ARHGAP18: variants seen among roughly 807,000 people sequenced by gnomAD.
The protein encoded by ARHGAP18 is rho GTPase-activating protein 18.
In ARHGAP18, 67 loss-of-function variants were observed where a neutral mutation model predicts 86.2. That is an observed-to-expected ratio of 0.78 (90% confidence interval 0.64 to 0.95). ARHGAP18 has a LOEUF of 0.95. Ranked by LOEUF, ARHGAP18 falls within the 40% of genes least tolerant of loss-of-function variation. The pLI is 0.00. For synonymous variants in ARHGAP18, 283 were observed against 280.4 expected (o/e 1.01, Z -0.09); for missense variants, 691 against 780.4 (o/e 0.89, Z 1.37).
intron 12 of ARHGAP18, among the ~76,000 whole-genome samples, chr6:129,596,206 T>C (rs1463573446): frequency 6.6e-6 from 1 of 152,178 alleles, no homozygotes; most frequent in Non-Finnish European, 1.5e-5. Flanking sequence ...CAAGGCCCTA[T>C]GCAATCTTGC....
intron 1 of ARHGAP18, among the ~76,000 whole-genome samples, chr6:129,666,676 C>A (rs1415709282): frequency 6.6e-6 from 1 of 152,202 alleles, no homozygotes; most frequent in Non-Finnish European, 1.5e-5. Context: ...TGCAAAGTAT[C>A]CTATTATAAA....
chr6:129,596,847 A>G (rs942713529), intron 12 of ARHGAP18: 1 of 152,210 alleles, frequency 6.6e-6, no homozygotes, highest in African/African-American at 2.4e-5. Context: ...AAATCCAGGG[A>G]ATTGCTACCC....
At chr6:129,707,743 T>A (rs1262309833) in intron 1 of ARHGAP18, among the ~76,000 whole-genome samples, 2 of 150,198 alleles carry the variant, frequency 1.3e-5, no homozygotes, top group Non-Finnish European at 3.0e-5. Context: ...GCTCAAGCAA[T>A]CCACCCACCT....
At chr6:129,676,668 C>T (rs944769825) in intron 1 of ARHGAP18, among the ~76,000 whole-genome samples, 1 of 152,138 alleles carries the variant, frequency 6.6e-6, no homozygotes, top group African/African-American at 2.4e-5. Flanking sequence ...TGAGCAAGCA[C>T]TCACTGCATA....
At chr6:129,604,612 C>T (rs1788815762) in intron 10 of ARHGAP18, among the ~76,000 whole-genome samples, 1 of 150,384 alleles carries the variant, frequency 6.6e-6, no homozygotes, top group South Asian at 2.1e-4. Context: ...GGCCATATGT[C>T]CCTGTCTCAG....
intron 5 of ARHGAP18, 94 bp downstream of exon 5, chr6:129,629,259 A>G (rs1027468032): frequency 2.3e-5 from 23 of 1,018,728 alleles, no homozygotes; most frequent in East Asian, 1.1e-4. Flanking sequence ...ATATATATAT[A>G]TATGTGTGTG....
Position 129,704,270 on chromosome 6 carries a change from C to A in ARHGAP18, c.113+5754G>T, listed in dbSNP as rs1774767836. Among the ~76,000 whole-genome samples, 3 of 151,980 alleles carry A rather than the reference C, an allele frequency of 2.0e-5. No individual in the cohort carries two copies. The South Asian group carries it at 6.2e-4, about 32-fold the overall frequency. On this transcript the variant is annotated intron_variant, in intron 1 of 14. Coordinates refer to ENST00000368149, the MANE Select transcript of ARHGAP18 (RefSeq NM_033515.3). ...GACCAGCCTGGCCAACATGGTGAAACCCCATCTTCACTAAATATACAAAAA... is the reference window on the plus strand; with the variant it reads ...GACCAGCCTGGCCAACATGGTGAAAACCCATCTTCACTAAATATACAAAAA...
intron 7 of ARHGAP18, among the ~76,000 whole-genome samples, chr6:129,615,935 A>C (rs1789088072): frequency 6.6e-6 from 1 of 152,220 alleles, no homozygotes; most frequent in Admixed American, 6.5e-5. Context: ...TCCCACTCCT[A>C]TGTATTATAG....
At chr6:129,691,444 G>GT (rs1265058103) in intron 1 of ARHGAP18, among the ~76,000 whole-genome samples, 2 of 152,160 alleles carry the variant, frequency 1.3e-5, no homozygotes, top group African/African-American at 4.8e-5. Flanking sequence ...TGAGTAAGCA[G>GT]TTTTTTCCTA....
intron 1 of ARHGAP18, among the ~76,000 whole-genome samples, chr6:129,692,295 T>C (rs1303948649): frequency 1.3e-5 from 2 of 152,208 alleles, no homozygotes; most frequent in African/African-American, 4.8e-5. Context: ...TCCAGGGAGT[T>C]AAGCTCGCCT....
At chr6:129,588,443 T>A (rs1788444560) in intron 12 of ARHGAP18, among the ~76,000 whole-genome samples, 1 of 150,250 alleles carries the variant, frequency 6.7e-6, no homozygotes, top group South Asian at 2.1e-4. Flanking sequence ...TCTAAAATGA[T>A]CTTCTTTGAC....
chr6:129,603,153 C>T (rs1318867542), intron 10 of ARHGAP18, among the ~76,000 whole-genome samples: 1 of 152,114 alleles, frequency 6.6e-6, no homozygotes, highest in Admixed American at 6.6e-5. Flanking sequence ...TTCTCCTACG[C>T]TTCCACCGAG....
At chr6:129,625,445 TTATATTA>T (rs1359323113) in intron 5 of ARHGAP18, among the ~76,000 whole-genome samples, 1 of 47,188 alleles carries the variant, frequency 2.1e-5, no homozygotes, top group African/African-American at 1.0e-4. Flanking sequence ...AATATATATT[TTATATTA>T]TATATTATAT....
intron 1 of ARHGAP18, among the ~76,000 whole-genome samples, chr6:129,645,515 C>A (rs34065553): frequency 0.35 from 53,315 of 151,950 alleles, 9,596 homozygotes; most frequent in Middle Eastern, 0.43. Context: ...AGTGACCCCT[C>A]CCTGACTTTC....
At chr6:129,585,898 C>A (rs1201062868) in intron 12 of ARHGAP18, among the ~76,000 whole-genome samples, 2 of 152,208 alleles carry the variant, frequency 1.3e-5, no homozygotes, top group Non-Finnish European at 1.5e-5. Flanking sequence ...TTCCATCCAG[C>A]CTGAATCCTT....
At chr6:129,581,699 A>T (rs1019289172) in intron 13 of ARHGAP18, among the ~76,000 whole-genome samples, 1 of 152,194 alleles carries the variant, frequency 6.6e-6, no homozygotes, top group Non-Finnish European at 1.5e-5. Flanking sequence ...GCGATTTATT[A>T]TACATATATT....
chr6:129,655,910 G>A (rs1773825094), intron 1 of ARHGAP18, among the ~76,000 whole-genome samples: 1 of 152,092 alleles, frequency 6.6e-6, no homozygotes, highest in African/African-American at 2.4e-5. Flanking sequence ...TGCAGTTATG[G>A]TTTTAAAAAG....
intron 1 of ARHGAP18, among the ~76,000 whole-genome samples, chr6:129,683,221 G>A (rs184368578): frequency 3.8e-4 from 58 of 151,950 alleles, no homozygotes; most frequent in East Asian, 1.2e-3. Context: ...ACAGGCACTC[G>A]CCACCACGCC....
At position 129,710,026 on chromosome 6, in the gene ARHGAP18, C is replaced by G; in HGVS notation, c.111G>C (p.Ser37=). The change falls in exon 1 of 15, where the codon TCG becomes TCC. Residue 37 remains serine, a splice_region_variant and synonymous_variant. Transcript: ENST00000368149. ...SHAKAGEEAT[S]SRRYGQYTMN... ...GTTTTCAGCTTCCGAAGGCTTACCT[C>G]GAGGTGGCTTCCTCCCCTGCCTTTG... 6.2e-7 allele frequency: 1 copy of G among 1,613,472 alleles called. No individual in the cohort carries two copies. The highest frequency in any genetic ancestry group is 8.5e-7 in the Non-Finnish European group (1 of 1,179,392).
Sources: gnomAD v4.1 joint callset for allele counts (sites outside exome capture counted in the v4.1 genomes callset) on GRCh38, gnomAD v4.1.1 for gene constraint, MANE v1.5 for transcripts, NCBI Gene and HGNC (gene_info 2026-07-23, HGNC 2026-07-21) for gene names.